The following SLC12A8 variants were observed in gnomAD, a reference collection of about 807,000 sequenced individuals.
SLC12A8 encodes solute carrier family 12 member 8.
In SLC12A8, 69 loss-of-function variants were observed where a neutral mutation model predicts 75.6. The observed-to-expected ratio is 0.91, with a 90% CI of 0.75 to 1.11. The LOEUF (loss-of-function observed/expected upper bound fraction) is 1.11. SLC12A8 is among the 50% of genes most tolerant of loss of function. The pLI is 0.00. For synonymous variants in SLC12A8, 365 were observed against 372.8 expected (o/e 0.98, Z 0.24); for missense variants, 877 against 896.7 (o/e 0.98, Z 0.28).
At chr3:125,097,585 G>A (rs614347) in intron 10 of SLC12A8, among the ~76,000 whole-genome samples, 64,202 of 148,600 alleles carry the variant, frequency 0.43, 14,578 homozygotes, top group Middle Eastern at 0.62. Context: ...TGTGTTCTGA[G>A]GAACTTGGGC....
intron 5 of SLC12A8, among the ~76,000 whole-genome samples, chr3:125,150,223 C>G (rs746634819): frequency 6.6e-6 from 1 of 152,130 alleles, no homozygotes; most frequent in African/African-American, 2.4e-5. Flanking sequence ...GTGTTGTATT[C>G]AAGTCTTCAC....
At position 125,087,078 on chromosome 3, in the gene SLC12A8, G is replaced by GTTACATGTA. The variant is rs574486148; in HGVS notation, c.1982+1223_1982+1231dup. ...ACATGGCTAAGATGGTACATCTCACGTTACATGTATTTCACTTTTTTTTTT... is the reference window on the plus strand; with the variant it reads ...ACATGGCTAAGATGGTACATCTCACGTTACATGTATTACATGTATTTCACTTTTTTTTTT... On this transcript the variant is annotated intron_variant, in intron 13 of 13. Transcript: ENST00000469902. 4.6e-3 allele frequency among the ~76,000 whole-genome samples: 687 copies of GTTACATGTA among 150,196 alleles called. 3 individuals carry two copies. The highest frequency in any genetic ancestry group is 0.016 in the African/African-American group (643 of 40,678).
At chr3:125,208,491 G>A (rs551571788) in intron 2 of SLC12A8, among the ~76,000 whole-genome samples, 8 of 152,166 alleles carry the variant, frequency 5.3e-5, no homozygotes, top group Non-Finnish European at 1.2e-4. Context: ...TGCTGACCAG[G>A]AACCAAGCAC....
intron 11 of SLC12A8, 100 bp downstream of exon 11, chr3:125,092,001 A>G (rs1938591700): frequency 2.7e-6 from 2 of 740,260 alleles, no homozygotes; most frequent in Non-Finnish European, 4.6e-6. Context: ...ATTGCTTCTA[A>G]TTAGGCCCTC....
In SLC12A8 at chr3:125,187,222, G is replaced by T. The variant is rs138422722; in HGVS notation, c.390+15C>A. Reference sequence around the variant, plus strand: ...GAGGGCCAGGCAGGGGAAGCATCCCGGGCGCAGGCCTCACCTGTCCAAACA... The same window carrying T: ...GAGGGCCAGGCAGGGGAAGCATCCCTGGCGCAGGCCTCACCTGTCCAAACA... On this transcript the variant is annotated intron_variant, in intron 4 of 13. Transcript: ENST00000469902. 7.5e-6 allele frequency: 12 copies of T among 1,607,092 alleles called. 1 individual carries two copies. The South Asian group carries it at 1.2e-4, about 16-fold the overall frequency.
chr3:125,094,931 G>A (rs1938675488), intron 10 of SLC12A8, among the ~76,000 whole-genome samples: 1 of 152,042 alleles, frequency 6.6e-6, no homozygotes, highest in South Asian at 2.1e-4. Context: ...TCTCCTTCTT[G>A]GAAAAATTAT....
At chr3:125,189,843 G>C (rs1464209504) in intron 3 of SLC12A8, among the ~76,000 whole-genome samples, 1 of 152,106 alleles carries the variant, frequency 6.6e-6, no homozygotes, top group Non-Finnish European at 1.5e-5. Flanking sequence ...GAGGCCTTTT[G>C]TTCCTTCTAC....
At chr3:125,205,252 G>A (rs1017374238) in intron 2 of SLC12A8, among the ~76,000 whole-genome samples, 10 of 152,100 alleles carry the variant, frequency 6.6e-5, no homozygotes, top group Non-Finnish European at 4.4e-5. Context: ...GTGACCCTGC[G>A]TGGCATAGTG....
chr3:125,084,973 C>A (rs1026852238), intron 13 of SLC12A8, among the ~76,000 whole-genome samples: 1 of 152,110 alleles, frequency 6.6e-6, no homozygotes, highest in Non-Finnish European at 1.5e-5. Flanking sequence ...TTGAGAGTTG[C>A]GAAAAGGTAG....
chr3:125,165,931 T>C (rs1475590361), intron 5 of SLC12A8, among the ~76,000 whole-genome samples: 1 of 152,160 alleles, frequency 6.6e-6, no homozygotes, highest in Non-Finnish European at 1.5e-5. Flanking sequence ...GAATATTGAT[T>C]TTTAGCTTAC....
intron 8 of SLC12A8, among the ~76,000 whole-genome samples, chr3:125,111,631 T>G (rs1051692080): frequency 6.6e-6 from 1 of 152,134 alleles, no homozygotes; most frequent in Admixed American, 6.5e-5. Flanking sequence ...TGATGAAGGC[T>G]CTCCTCACCC....
At chr3:125,087,685 G>T (rs759468667) in intron 13 of SLC12A8, among the ~76,000 whole-genome samples, 1 of 152,160 alleles carries the variant, frequency 6.6e-6, no homozygotes, top group Non-Finnish European at 1.5e-5. Context: ...GGCCTTAAAA[G>T]GTAAGAAGCA....
chr3:125,169,655 C>T (rs1189207275), intron 5 of SLC12A8, among the ~76,000 whole-genome samples: 1 of 152,198 alleles, frequency 6.6e-6, no homozygotes, highest in Non-Finnish European at 1.5e-5. Flanking sequence ...TGCAGCCGGG[C>T]ATGTCCCTGG....
At position 125,088,382 on chromosome 3, in the gene SLC12A8, A is replaced by G; in HGVS notation, c.1922-12T>C. ...GTTGGAGGCTGATCCTGCAGGGAAGACATATACATAACCATTTTTGAAGGT... is the reference window on the plus strand; with the variant it reads ...GTTGGAGGCTGATCCTGCAGGGAAGGCATATACATAACCATTTTTGAAGGT... On this transcript the variant is annotated splice_polypyrimidine_tract_variant and intron_variant, in intron 12 of 13. Coordinates refer to ENST00000469902, the MANE Select transcript of SLC12A8 (RefSeq NM_024628.6). The G allele has an allele frequency of 6.2e-7, 1 of 1,614,076 alleles. No homozygotes were observed. Among genetic ancestry groups the G allele is most frequent in the Non-Finnish European group, 8.5e-7 (1 of 1,179,920 alleles).
chr3:125,143,473 C>G (rs1250858605), intron 5 of SLC12A8, among the ~76,000 whole-genome samples: 1 of 152,246 alleles, frequency 6.6e-6, no homozygotes, highest in Admixed American at 6.5e-5. Flanking sequence ...CTGGCTTCAG[C>G]CCTATTGACT....
intron 7 of SLC12A8, 176 bp from the exon 8 acceptor site, chr3:125,119,032 G>T (rs1306160603): frequency 8.2e-6 from 4 of 486,578 alleles, no homozygotes; most frequent in Middle Eastern, 5.7e-4. Flanking sequence ...TTTCTCTTCT[G>T]GCATATTTCT....
intron 10 of SLC12A8, among the ~76,000 whole-genome samples, chr3:125,097,771 G>C (rs1197886614): frequency 6.6e-6 from 1 of 152,042 alleles, no homozygotes; most frequent in Admixed American, 6.5e-5. Flanking sequence ...AAAGTGACTA[G>C]AGGAATTTTT....
chr3:125,123,033 G>A (rs187393586), intron 6 of SLC12A8, among the ~76,000 whole-genome samples: 186 of 152,328 alleles, frequency 1.2e-3, no homozygotes, highest in African/African-American at 4.3e-3. Flanking sequence ...AGGGCCAGGT[G>A]TGGTGGTTCA....
chr3:125,209,484 C>G (rs1351434265), intron 2 of SLC12A8, among the ~76,000 whole-genome samples: 4 of 152,238 alleles, frequency 2.6e-5, no homozygotes, highest in Admixed American at 2.6e-4. Flanking sequence ...ATATGTTCCA[C>G]TTCCACCATT....
Sources: gnomAD v4.1 joint callset for allele counts (sites outside exome capture counted in the v4.1 genomes callset) on GRCh38, gnomAD v4.1.1 for gene constraint, MANE v1.5 for transcripts, NCBI Gene and HGNC (gene_info 2026-07-23, HGNC 2026-07-21) for gene names.